CSTF3: variants seen among roughly 807,000 people sequenced by gnomAD.
CSTF3 encodes CF-1 77 kDa subunit.
Under a neutral mutation model 105.8 loss-of-function variants are expected in CSTF3, and 29 were observed. The observed-to-expected ratio is 0.27, with a 90% CI of 0.20 to 0.37. The LOEUF (loss-of-function observed/expected upper bound fraction) is 0.37, where lower values mean the gene tolerates loss of function less well. Among genes scored for constraint, CSTF3 ranks in the 10% least tolerant of loss-of-function variants. CSTF3 has a pLI of 1.00. For missense variants in CSTF3, 357 were observed against 879.3 expected, an observed-to-expected ratio of 0.41 and a Z score of 7.51; for synonymous variants, 252 against 281.9, an observed-to-expected ratio of 0.89 and a Z score of 1.06.
intron 3 of CSTF3, among the ~76,000 whole-genome samples, chr11:33,123,723 A>G (rs3117654): frequency 0.56 from 84,408 of 151,840 alleles, 26,065 homozygotes; most frequent in Non-Finnish European, 0.69. Context: ...AATGTAATAG[A>G]TATTTATTAA....
At chr11:33,087,683 A>G (rs1202802515) in intron 17 of CSTF3, among the ~76,000 whole-genome samples, 2 of 152,352 alleles carry the variant, frequency 1.3e-5, no homozygotes, top group East Asian at 1.9e-4. Context: ...TCATCAGGCA[A>G]TTTTAGCCAT....
Position 33,099,580 on chromosome 11 carries a change from A to G in CSTF3, c.936+28T>C. On this transcript the variant is annotated intron_variant, in intron 11 of 20. Coordinates refer to ENST00000323959, the MANE Select transcript of CSTF3 (RefSeq NM_001326.3). This position sits in a 1 kb window ranked among gnomAD's most constrained non-coding sequence, Gnocchi z 4.1. ...GCTATATCAAAACCACAAAAATATC[A>G]AAGTGGGGATAGGGAAGGAACACTT... 3 of 1,418,638 alleles carry G rather than the reference A, an allele frequency of 2.1e-6. No homozygotes were observed. The highest frequency in any genetic ancestry group is 2.9e-6 in the Non-Finnish European group (3 of 1,019,462). The allele number at this position is 1,418,638 out of a possible 1,614,324, so 87.9% of individuals were successfully genotyped here.
intron 1 of CSTF3, among the ~76,000 whole-genome samples, chr11:33,158,499 T>C (rs760652551): frequency 1.3e-5 from 2 of 152,140 alleles, no homozygotes; most frequent in Non-Finnish European, 2.9e-5. Flanking sequence ...CTACTTCCAA[T>C]GTAAGAGCTG....
chr11:33,112,693 T>G (rs1190972878), intron 3 of CSTF3, among the ~76,000 whole-genome samples: 1 of 152,198 alleles, frequency 6.6e-6, no homozygotes, highest in Non-Finnish European at 1.5e-5. Context: ...TTTAAAAGAT[T>G]ATTATCCTAT....
chr11:33,099,788 T>A lies in CSTF3; in HGVS notation c.827-71A>T. On this transcript the variant is annotated intron_variant, in intron 10 of 20. Transcript: ENST00000323959. This position sits in a 1 kb window ranked among gnomAD's most constrained non-coding sequence, Gnocchi z 4.1. Reference sequence around the variant, plus strand: ...ATTTGTAAAACTATCAATGTAAATATCATAACCAAATTAGGCTCCTCAAAA... The same window carrying A: ...ATTTGTAAAACTATCAATGTAAATAACATAACCAAATTAGGCTCCTCAAAA... The A allele has an allele frequency of 1.0e-6, 1 of 987,954 alleles. No individual in the cohort carries two copies. Among genetic ancestry groups the A allele is most frequent in the South Asian group, 1.8e-5 (1 of 55,724 alleles). 61.2% of individuals were successfully genotyped at this position (987,954 alleles called of 1,614,324 possible).
chr11:33,097,119 G>C (rs1855230426), intron 13 of CSTF3, 141 bp from the exon 14 acceptor site: 1 of 580,198 alleles, frequency 1.7e-6, no homozygotes, highest in Non-Finnish European at 2.8e-6. Flanking sequence ...TTTTTTTCTG[G>C]TATTAGAGAT....
chr11:33,084,960 T>C lies in CSTF3; in HGVS notation c.*127A>G, dbSNP rs1223571205. On this transcript the variant is annotated 3_prime_UTR_variant, in exon 21 of 21. Transcript: ENST00000323959. Reference sequence around the variant, plus strand: ...TTGTTTTTTCTCAAGAACCATGTGATAGAGGCACCAATGACAATACAACTT... The same window carrying C: ...TTGTTTTTTCTCAAGAACCATGTGACAGAGGCACCAATGACAATACAACTT... 13 of 982,722 alleles carry C rather than the reference T, an allele frequency of 1.3e-5. No individual in the cohort carries two copies. The highest frequency in any genetic ancestry group is 2.0e-5 in the Non-Finnish European group (13 of 638,330). The allele number at this position is 982,722 out of a possible 1,614,324, so 60.9% of individuals were successfully genotyped here. A position where few individuals can be genotyped will look rare whatever the true frequency, so the allele number is the denominator to read the frequency against.
At position 33,161,315 on chromosome 11, in the gene CSTF3, T is replaced by A. The variant is rs1849940274; in HGVS notation, c.11A>T (p.Asp4Val). MSG[D>V]GATEQAAEYV... ...CTTCCTCACCTGCTCCGTGGCTCCG[T>A]CTCCTGACATGGCCTCAGCTGATTA... Residue 4 changes from aspartate to valine, a missense_variant, in exon 1 of 21, where the codon GAC (aspartate) becomes GTC (valine). Coordinates refer to ENST00000323959, the MANE Select transcript of CSTF3 (RefSeq NM_001326.3). 1 of 1,612,974 alleles carries A rather than the reference T, an allele frequency of 6.2e-7. No homozygotes were observed.
intron 3 of CSTF3, chr11:33,141,272 T>C (rs779059355): frequency 4.5e-5 from 9 of 198,100 alleles, no homozygotes; most frequent in Non-Finnish European, 7.7e-5. Flanking sequence ...ACACTCAAAA[T>C]ACTCTATGAA....
At chr11:33,085,502 AAAAGAT>A (rs1855095664) in intron 20 of CSTF3, among the ~76,000 whole-genome samples, 1 of 152,258 alleles carries the variant, frequency 6.6e-6, no homozygotes, top group Non-Finnish European at 1.5e-5. Flanking sequence ...ACATGAATAG[AAAAGAT>A]AAAGTTTTAT....
At chr11:33,142,766 T>C (rs916214829) in intron 1 of CSTF3, among the ~76,000 whole-genome samples, 11 of 152,208 alleles carry the variant, frequency 7.2e-5, no homozygotes, top group Non-Finnish European at 1.3e-4. Context: ...TAAAATTCAG[T>C]AATAAGAATG....
intron 15 of CSTF3, among the ~76,000 whole-genome samples, chr11:33,095,506 G>T (rs1245323217): frequency 2.0e-5 from 3 of 152,120 alleles, no homozygotes; most frequent in African/African-American, 4.8e-5. Context: ...AGTGTTATTC[G>T]TACAACAGAA....
At chr11:33,089,310 G>A (rs1487451418) in intron 17 of CSTF3, among the ~76,000 whole-genome samples, 1 of 147,336 alleles carries the variant, frequency 6.8e-6, no homozygotes, top group East Asian at 2.0e-4. Flanking sequence ...TCTCACCATT[G>A]CACTCCAGCC....
intron 3 of CSTF3, among the ~76,000 whole-genome samples, chr11:33,135,078 C>T (rs1353800662): frequency 1.3e-5 from 2 of 152,110 alleles, no homozygotes; most frequent in African/African-American, 2.4e-5. Context: ...TTGAAGTGTC[C>T]TTAAAGGTTA....
chr11:33,085,952 T>C lies in CSTF3; in HGVS notation c.1833A>G (p.Pro611=). The change falls in exon 19 of 21, where the codon CCA becomes CCG. Residue 611 remains proline, a synonymous_variant. Coordinates refer to ENST00000323959, the MANE Select transcript of CSTF3 (RefSeq NM_001326.3). ...TTAAAACAACAGCTGCAGGAGGGAC[T>C]GGGAACACTCCACCAGGTACAGGGT... is the stretch of plus-strand genomic sequence containing the variant. The part of the protein sequence containing the change: ...GLHPVPGGVF[P]VPPAAVVLMK... 6.7e-7 allele frequency: 1 copy of C among 1,496,754 alleles called. No individual in the cohort carries two copies. The highest frequency in any genetic ancestry group is 9.0e-7 in the Non-Finnish European group (1 of 1,112,776). 92.7% of individuals were successfully genotyped at this position (1,496,754 alleles called of 1,614,324 possible).
chr11:33,095,333 C>G (rs1247394261), intron 15 of CSTF3, among the ~76,000 whole-genome samples: 1 of 152,206 alleles, frequency 6.6e-6, no homozygotes, highest in African/African-American at 2.4e-5. Flanking sequence ...GTATCTGAGA[C>G]TACAGGCATA....
intron 3 of CSTF3, among the ~76,000 whole-genome samples, chr11:33,122,904 T>A (rs1855505201): frequency 9.0e-6 from 1 of 111,074 alleles, no homozygotes; most frequent in Admixed American, 1.3e-4. Context: ...AACACAGTGA[T>A]ATCCTGTCTC....
At chr11:33,126,297 A>G (rs1855542044) in intron 3 of CSTF3, among the ~76,000 whole-genome samples, 1 of 151,992 alleles carries the variant, frequency 6.6e-6, no homozygotes, top group Non-Finnish European at 1.5e-5. Flanking sequence ...TCTACAATTA[A>G]TCAGGCGTGG....
intron 1 of CSTF3, among the ~76,000 whole-genome samples, chr11:33,143,577 C>T (rs926025331): frequency 4.6e-5 from 7 of 152,050 alleles, no homozygotes; most frequent in African/African-American, 1.7e-4. Flanking sequence ...TGTTGAAACC[C>T]AGTCTCTACT....
Sources: allele counts gnomAD v4.1 joint callset (sites outside exome capture counted in the v4.1 genomes callset), GRCh38; gene constraint gnomAD v4.1.1; non-coding constraint Gnocchi (gnomAD v3.1); transcripts MANE v1.5; gene names NCBI Gene and HGNC (gene_info 2026-07-23, HGNC 2026-07-21).